CLVS1: variants seen among roughly 807,000 people sequenced by gnomAD.
CLVS1 encodes clavesin-1.
A neutral mutation model predicts 33.1 loss-of-function variants in CLVS1; 10 were observed. The ratio of observed to expected loss-of-function variants is 0.30; its 90% CI spans 0.19 to 0.51. The LOEUF (loss-of-function observed/expected upper bound fraction) is 0.51, where lower values mean the gene tolerates loss of function less well. CLVS1 is among the 20% of genes least tolerant of loss of function. CLVS1 has a pLI of 0.97. For missense variants in CLVS1, 343 were observed against 433.4 expected (o/e 0.79, Z 1.85); for synonymous variants, 163 against 166.1 (o/e 0.98, Z 0.14).
At chr8:61,264,799 A>G (rs1809273838) in intron 2 of CLVS1, 1 of 152,188 alleles carries the variant, frequency 6.6e-6, no homozygotes, top group Non-Finnish European at 1.5e-5. Flanking sequence ...ATACCAGCAG[A>G]GCTGAAGTTG....
chr8:61,500,159 T>A lies in CLVS1; in HGVS notation c.*617T>A, dbSNP rs921042839. 1.3e-5 allele frequency: 2 copies of A among 152,650 alleles called. No individual in the cohort carries two copies. Among genetic ancestry groups the A allele is most frequent in the African/African-American group, 4.8e-5 (2 of 41,462 alleles). The allele number at this position is 152,650 out of a possible 1,614,324, so 9.5% of individuals were successfully genotyped here. A position where few individuals can be genotyped will look rare whatever the true frequency, so the allele number is the denominator to read the frequency against. ...TATCCTGCAAAAAATTATTTTGATG[T>A]CACATCTCTTGTCAGGTCACTAGCT... On this transcript the variant is annotated 3_prime_UTR_variant, in exon 6 of 6. Transcript: ENST00000325897.
At chr8:61,014,085 GTTTTTTTTT>G in the CLVS1 span, among the ~76,000 whole-genome samples, 3 of 126,818 alleles carry the variant, frequency 2.4e-5, no homozygotes, top group Non-Finnish European at 5.0e-5. Flanking sequence ...ACTTTTTAGT[GTTTTTTTTT>G]TTTTTTTTTT....
intron 2 of CLVS1, among the ~76,000 whole-genome samples, chr8:61,179,929 A>G (rs1402657107): frequency 2.0e-5 from 3 of 152,238 alleles, no homozygotes; most frequent in Non-Finnish European, 4.4e-5. Flanking sequence ...AATTAAAAGA[A>G]CTAGAGAGGC....
At chr8:61,118,166 G>A (rs1337277159) in intron 1 of CLVS1, among the ~76,000 whole-genome samples, 8 of 151,878 alleles carry the variant, frequency 5.3e-5, no homozygotes, top group Non-Finnish European at 1.0e-4. Context: ...GCGTAGAGGT[G>A]TTTGTAGTAT....
chr8:61,273,111 T>A (rs2129592810), intron 2 of CLVS1, among the ~76,000 whole-genome samples: 1 of 150,398 alleles, frequency 6.6e-6, no homozygotes, highest in African/African-American at 2.5e-5. Flanking sequence ...TTTTTCCCCA[T>A]CTTTGTGGTT....
chr8:61,083,544 C>T (rs953857844), intron 1 of CLVS1, among the ~76,000 whole-genome samples: 2 of 152,078 alleles, frequency 1.3e-5, no homozygotes, highest in Non-Finnish European at 2.9e-5. Flanking sequence ...CGGGAGAAGA[C>T]AGGCATCAAC....
chr8:61,410,974 ACT>A (rs1815200081), intron 3 of CLVS1, among the ~76,000 whole-genome samples: 1 of 152,168 alleles, frequency 6.6e-6, no homozygotes, highest in African/African-American at 2.4e-5. Context: ...ATTTGTGGGC[ACT>A]GAGAACCTTG....
chr8:61,022,902 AAC>A, the CLVS1 span, among the ~76,000 whole-genome samples: 85 of 152,346 alleles, frequency 5.6e-4, no homozygotes, highest in African/African-American at 1.9e-3. Flanking sequence ...CATCTGTGCA[AAC>A]ACATAATGTG....
At chr8:61,023,807 G>A in the CLVS1 span, among the ~76,000 whole-genome samples, 12 of 152,174 alleles carry the variant, frequency 7.9e-5, no homozygotes, top group South Asian at 2.1e-4. Context: ...ACAGGACAGA[G>A]CTCTCAGCCG....
intron 3 of CLVS1, among the ~76,000 whole-genome samples, chr8:61,427,897 G>A (rs572024305): frequency 3.9e-5 from 6 of 152,278 alleles, no homozygotes; most frequent in African/African-American, 9.6e-5. Flanking sequence ...CTCCTTCTCC[G>A]GAGAGCCCTA....
chr8:61,410,353 A>G (rs1815172725), intron 3 of CLVS1, among the ~76,000 whole-genome samples: 3 of 152,156 alleles, frequency 2.0e-5, no homozygotes, highest in Non-Finnish European at 4.4e-5. Flanking sequence ...TATGCCATAT[A>G]TACTTGTGTC....
chr8:61,373,873 G>A (rs1813538652), intron 2 of CLVS1, among the ~76,000 whole-genome samples: 1 of 152,212 alleles, frequency 6.6e-6, no homozygotes, highest in African/African-American at 2.4e-5. Context: ...CAACTAGGTA[G>A]CACTACTTCT....
intron 1 of CLVS1, among the ~76,000 whole-genome samples, chr8:61,122,158 A>G (rs1479951697): frequency 1.3e-5 from 2 of 152,212 alleles, no homozygotes; most frequent in African/African-American, 4.8e-5. Context: ...ACCCAGGTAA[A>G]AGCAGCTGAT....
intron 2 of CLVS1, among the ~76,000 whole-genome samples, chr8:61,232,022 G>GTTTTTTTTTTTTTTTTTTTTTT (rs376185436): frequency 6.8e-5 from 8 of 117,070 alleles, no homozygotes; most frequent in African/African-American, 2.7e-4. Context: ...GGAAAGTTGT[G>GTTTTTTTTTTTTTTTTTTTTTT]GTTTTTTTTT....
chr8:60,967,869 A>C, the CLVS1 span: 1 of 333,136 alleles, frequency 3.0e-6, no homozygotes, highest in Non-Finnish European at 6.0e-6. Flanking sequence ...TAAAGTGACA[A>C]TCCTACATTG....
At chr8:61,121,445 GTGTT>G (rs1194699532) in intron 1 of CLVS1, among the ~76,000 whole-genome samples, 1 of 152,178 alleles carries the variant, frequency 6.6e-6, no homozygotes, top group Admixed American at 6.5e-5. Flanking sequence ...CTCTGTGTGT[GTGTT>G]TGTGTGTGTG....
intron 2 of CLVS1, among the ~76,000 whole-genome samples, chr8:61,254,684 T>C (rs1051583031): frequency 6.6e-6 from 1 of 152,160 alleles, no homozygotes; most frequent in African/African-American, 2.4e-5. Context: ...GTGCTAGTAA[T>C]GAGTGAGGTT....
intron 5 of CLVS1, among the ~76,000 whole-genome samples, chr8:61,470,162 T>C (rs755064184): frequency 3.3e-5 from 5 of 152,190 alleles, no homozygotes; most frequent in Admixed American, 6.5e-5. Context: ...ACAGCTTTCT[T>C]TTCTGTGGCA....
the CLVS1 span, among the ~76,000 whole-genome samples, chr8:60,988,223 G>A: frequency 6.6e-6 from 1 of 152,192 alleles, no homozygotes; most frequent in African/African-American, 2.4e-5. Flanking sequence ...AAAGGACCCT[G>A]TAGAGACTGG....
Sources: gnomAD v4.1 joint callset for allele counts (sites outside exome capture counted in the v4.1 genomes callset) on GRCh38, gnomAD v4.1.1 for gene constraint, MANE v1.5 for transcripts, NCBI Gene and HGNC (gene_info 2026-07-23, HGNC 2026-07-21) for gene names.